The following SLC24A2 variants were observed in gnomAD, a reference collection of about 807,000 sequenced individuals.
SLC24A2 encodes solute carrier family 24 member 2.
Under a neutral mutation model 62.0 loss-of-function variants are expected in SLC24A2, and 36 were observed. The observed-to-expected ratio is 0.58, with a 90% CI of 0.44 to 0.77. SLC24A2 has a LOEUF of 0.77. Ranked by LOEUF, SLC24A2 falls within the 30% of genes least tolerant of loss-of-function variation. SLC24A2 has a pLI of 0.00. For missense variants in SLC24A2, 846 were observed against 817.9 expected (o/e 1.03, Z -0.42); for synonymous variants, 358 against 294.0 (o/e 1.22, Z -2.23).
At chr9:20,170,101 G>T in the SLC24A2 span, among the ~76,000 whole-genome samples, 2 of 148,364 alleles carry the variant, frequency 1.3e-5, no homozygotes, top group Non-Finnish European at 3.0e-5. Flanking sequence ...TCAAAGACAA[G>T]ATTTTCGAAT....
the SLC24A2 span, among the ~76,000 whole-genome samples, chr9:20,046,557 A>T: frequency 6.6e-6 from 1 of 152,192 alleles, no homozygotes; most frequent in East Asian, 1.9e-4. Flanking sequence ...GCTATCCAGG[A>T]TTTACTTGGT....
intron 2 of SLC24A2, among the ~76,000 whole-genome samples, chr9:19,771,958 G>T (rs1822703784): frequency 6.6e-6 from 1 of 152,198 alleles, no homozygotes; most frequent in South Asian, 2.1e-4. Flanking sequence ...CCATAACCAA[G>T]ATGTATAAAG....
chr9:19,890,523 G>C, the SLC24A2 span, among the ~76,000 whole-genome samples: 1 of 152,126 alleles, frequency 6.6e-6, no homozygotes, highest in Non-Finnish European at 1.5e-5. Flanking sequence ...GGTTTTGTGT[G>C]TCAGCATATT....
At chr9:19,735,957 G>A (rs1821497589) in intron 2 of SLC24A2, among the ~76,000 whole-genome samples, 1 of 151,966 alleles carries the variant, frequency 6.6e-6, no homozygotes, top group African/African-American at 2.4e-5. Context: ...GTATACATAT[G>A]TAACAAACCT....
At chr9:20,100,002 C>G in the SLC24A2 span, among the ~76,000 whole-genome samples, 3 of 151,684 alleles carry the variant, frequency 2.0e-5, no homozygotes, top group Non-Finnish European at 4.4e-5. Context: ...GGCTTATATC[C>G]TTTTCTTCTC....
At chr9:20,053,834 G>T in the SLC24A2 span, among the ~76,000 whole-genome samples, 1 of 152,168 alleles carries the variant, frequency 6.6e-6, no homozygotes, top group Non-Finnish European at 1.5e-5. Context: ...CCCCGTGTAT[G>T]GTATTTTGTA....
the SLC24A2 span, among the ~76,000 whole-genome samples, chr9:19,940,004 A>C: frequency 6.3e-3 from 954 of 152,334 alleles, 21 homozygotes; most frequent in Middle Eastern, 0.031. Flanking sequence ...AACTGATTGA[A>C]CACTTCTCTG....
the SLC24A2 span, among the ~76,000 whole-genome samples, chr9:20,162,579 G>A: frequency 6.6e-6 from 1 of 152,010 alleles, no homozygotes; most frequent in African/African-American, 2.4e-5. Flanking sequence ...CATTCCTTCT[G>A]AAACTATTCC....
intron 2 of SLC24A2, among the ~76,000 whole-genome samples, chr9:19,772,098 T>C (rs1822707437): frequency 6.6e-6 from 1 of 152,168 alleles, no homozygotes; most frequent in African/African-American, 2.4e-5. Flanking sequence ...GAAAGTCTTT[T>C]AGATAAGGCA....
the SLC24A2 span, among the ~76,000 whole-genome samples, chr9:20,050,240 C>CAAAAAAAAA: frequency 5.0e-5 from 3 of 59,554 alleles, no homozygotes; most frequent in South Asian, 7.0e-4. Context: ...CCCGTCTCTA[C>CAAAAAAAAA]AAAAAAAAAA....
chr9:19,653,993 A>G (rs991314364), intron 2 of SLC24A2, among the ~76,000 whole-genome samples: 1 of 152,162 alleles, frequency 6.6e-6, no homozygotes, highest in African/African-American at 2.4e-5. Flanking sequence ...GAGTTCTGGC[A>G]AATGTCAAGG....
the SLC24A2 span, among the ~76,000 whole-genome samples, chr9:19,913,071 A>G: frequency 6.6e-6 from 1 of 151,606 alleles, no homozygotes; most frequent in African/African-American, 2.4e-5. Flanking sequence ...CTATTTCTCT[A>G]TTTTTCTTAG....
At chr9:19,544,089 C>G (rs982539865) in intron 8 of SLC24A2, among the ~76,000 whole-genome samples, 1 of 152,034 alleles carries the variant, frequency 6.6e-6, no homozygotes, top group African/African-American at 2.4e-5. Flanking sequence ...TCTCTAAGAA[C>G]TTGCCTTATG....
chr9:19,920,661 G>A, the SLC24A2 span, among the ~76,000 whole-genome samples: 1 of 152,194 alleles, frequency 6.6e-6, no homozygotes, highest in African/African-American at 2.4e-5. Flanking sequence ...TTGGTTGAGA[G>A]CTGTTAGGGC....
the SLC24A2 span, among the ~76,000 whole-genome samples, chr9:20,154,362 G>A: frequency 1.3e-5 from 2 of 151,766 alleles, no homozygotes; most frequent in East Asian, 3.9e-4. Context: ...GGATTCAATG[G>A]AGCACTTCAT....
chr9:19,889,900 C>T, the SLC24A2 span, among the ~76,000 whole-genome samples: 2 of 152,218 alleles, frequency 1.3e-5, no homozygotes, highest in East Asian at 3.8e-4. Flanking sequence ...AAGCATTGTT[C>T]TTTCTACCGA....
the SLC24A2 span, among the ~76,000 whole-genome samples, chr9:20,289,336 C>T: frequency 6.6e-6 from 1 of 152,170 alleles, no homozygotes; most frequent in Non-Finnish European, 1.5e-5. Flanking sequence ...TAATCACCTC[C>T]ACCTCACATG....
chr9:19,519,026 C>T (rs1833067487), intron 10 of SLC24A2, among the ~76,000 whole-genome samples: 1 of 152,066 alleles, frequency 6.6e-6, no homozygotes, highest in Non-Finnish European at 1.5e-5. Flanking sequence ...TTGATCAAAA[C>T]TCCCATAGCA....
At chr9:19,750,998 G>A (rs1348351451) in intron 2 of SLC24A2, among the ~76,000 whole-genome samples, 1 of 152,248 alleles carries the variant, frequency 6.6e-6, no homozygotes, top group South Asian at 2.1e-4. Flanking sequence ...TGCACCCCTA[G>A]TTTGTATACC....
Sources: allele counts gnomAD v4.1 joint callset (sites outside exome capture counted in the v4.1 genomes callset), GRCh38; gene constraint gnomAD v4.1.1; transcripts MANE v1.5; gene names NCBI Gene and HGNC (gene_info 2026-07-23, HGNC 2026-07-21).